The following CD300LG variants were observed in gnomAD, a reference collection of about 807,000 sequenced individuals.
CD300LG encodes CD300 molecule like family member g.
CD300LG carries 29 observed loss-of-function variants against 31.5 expected under a neutral mutation model. The observed-to-expected ratio is 0.92, with a 90% CI of 0.68 to 1.25. CD300LG has a LOEUF of 1.25. CD300LG is among the 50% of genes most tolerant of loss of function. The pLI is 0.00. For synonymous variants in CD300LG, 175 were observed against 177.2 expected (o/e 0.99, Z 0.10); for missense variants, 396 against 417.6 (o/e 0.95, Z 0.45).
intron 6 of CD300LG, among the ~76,000 whole-genome samples, chr17:43,859,980 C>G (rs2046618921): frequency 6.6e-6 from 1 of 152,228 alleles, no homozygotes; most frequent in African/African-American, 2.4e-5. Context: ...AAGTGGTCCT[C>G]TAGCCTCAGC....
At chr17:43,851,781 T>A (rs760455470) in intron 2 of CD300LG, among the ~76,000 whole-genome samples, 9 of 151,818 alleles carry the variant, frequency 5.9e-5, no homozygotes, top group East Asian at 1.9e-4. Context: ...GGTCTCGATC[T>A]CCTGACCTTG....
In CD300LG at chr17:43,848,655, G is replaced by C; in HGVS notation, c.141G>C (p.Arg47=). Residue 47 remains arginine, a synonymous_variant, in exon 2 of 7, where the codon CGG becomes CGC. Transcript: ENST00000317310. ...ACAGGGAAGAGCTGAGGGACCACCGGAAGTACTGGTGCAGGAAGGGTGGGA... is the reference window on the plus strand; with the variant it reads ...ACAGGGAAGAGCTGAGGGACCACCGCAAGTACTGGTGCAGGAAGGGTGGGA... ...CTYREELRDH[R]KYWCRKGGIL... The C allele has an allele frequency of 6.2e-7, 1 of 1,614,186 alleles. No individual in the cohort carries two copies. The highest frequency in any genetic ancestry group is 8.5e-7 in the Non-Finnish European group (1 of 1,180,030).
chr17:43,848,459 A>C lies in CD300LG; in HGVS notation c.44-99A>C, dbSNP rs2046248882. The C allele has an allele frequency of 1.6e-5, 16 of 983,318 alleles. No homozygotes were observed. In the South Asian group the frequency reaches 2.4e-4, roughly 14 times the overall value. The allele number at this position is 983,318 out of a possible 1,614,324, so 60.9% of individuals were successfully genotyped here. A position where few individuals can be genotyped will look rare whatever the true frequency, so the allele number is the denominator to read the frequency against. ...AGGCTGTCCCCAGAAGGGATGACTG[A>C]GAAAAGCCTTCCTTCTTCCTCCTAA... On this transcript the variant is annotated intron_variant, in intron 1 of 6. Coordinates refer to ENST00000317310, the MANE Select transcript of CD300LG (RefSeq NM_145273.4).
intron 2 of CD300LG, chr17:43,849,180 C>T (rs1349060736): frequency 5.6e-6 from 3 of 539,550 alleles, no homozygotes; most frequent in Non-Finnish European, 6.5e-6. Context: ...CCCAGGTGTG[C>T]TGGAGGGAGA....
intron 4 of CD300LG, 140 bp downstream of exon 4, chr17:43,854,184 C>T (rs2046445474): frequency 7.5e-6 from 5 of 670,700 alleles, no homozygotes; most frequent in Middle Eastern, 2.6e-4. Flanking sequence ...ACAGAGAGTC[C>T]CTCACAGGGG....
chr17:43,861,826 A>G lies in CD300LG; in HGVS notation c.914A>G (p.Gln305Arg). The part of the protein sequence containing the change: ...LTAEEKEAPS[Q>R]APEGDVISMP... ...GCGGAGGAAAAGGAAGCCCCTTCCCAGGCCCCTGAGGGGGACGTGATCTCG... is the reference window on the plus strand; with the variant it reads ...GCGGAGGAAAAGGAAGCCCCTTCCCGGGCCCCTGAGGGGGACGTGATCTCG... Residue 305 changes from glutamine to arginine, a missense_variant, in exon 7 of 7, where the codon CAG becomes CGG. Coordinates refer to ENST00000317310, the MANE Select transcript of CD300LG (RefSeq NM_145273.4). 1 of 1,610,954 alleles carries G rather than the reference A, an allele frequency of 6.2e-7. No individual in the cohort carries two copies. Among genetic ancestry groups the G allele is most frequent in the Non-Finnish European group, 8.5e-7 (1 of 1,178,800 alleles).
intron 5 of CD300LG, 162 bp downstream of exon 5, chr17:43,855,481 C>G (rs965093835): frequency 4.3e-6 from 2 of 466,752 alleles, no homozygotes; most frequent in Non-Finnish European, 7.6e-6. Flanking sequence ...GAAGGAGCCA[C>G]GAGGTAGTCA....
intron 2 of CD300LG, among the ~76,000 whole-genome samples, 187 bp from the exon 3 acceptor site, chr17:43,852,724 AG>A (rs1420246317): frequency 4.6e-5 from 7 of 152,200 alleles, no homozygotes; most frequent in Non-Finnish European, 8.8e-5. Context: ...GCGCGAGGCC[AG>A]GGGGCTGCAG....
intron 2 of CD300LG, among the ~76,000 whole-genome samples, chr17:43,850,452 T>TATTCATTCATTCATTC (rs147005101): frequency 3.3e-5 from 5 of 151,324 alleles, no homozygotes; most frequent in African/African-American, 1.2e-4. Flanking sequence ...TATTTATTTT[T>TATTCATTCATTCATTC]ATTCATTCAT....
At position 43,855,243 on chromosome 17, in the gene CD300LG, C is replaced by G. The variant is rs778992544; in HGVS notation, c.756C>G (p.Val252=). 2.3e-5 allele frequency: 37 copies of G among 1,610,308 alleles called. No homozygotes were observed. Among genetic ancestry groups the G allele is most frequent in the Non-Finnish European group, 2.9e-5 (34 of 1,178,920 alleles). Residue 252 remains valine (V), a synonymous_variant, in exon 5 of 7, where the codon GTC becomes GTG. Coordinates refer to ENST00000317310, the MANE Select transcript of CD300LG (RefSeq NM_145273.4). Reference sequence around the variant, plus strand: ...CGATGGTCCGCATACTGGCCCCAGTCCTGGTGCTGCTGAGCCTTCTGTCAG... The same window carrying G: ...CGATGGTCCGCATACTGGCCCCAGTGCTGGTGCTGCTGAGCCTTCTGTCAG... ...SIPMVRILAP[V]LVLLSLLSAA...
chr17:43,848,805 C>A lies in CD300LG; in HGVS notation c.291C>A (p.Leu97=). The A allele has an allele frequency of 6.2e-7, 1 of 1,614,206 alleles. No homozygotes were observed. Among genetic ancestry groups the A allele is most frequent in the Non-Finnish European group, 8.5e-7 (1 of 1,180,050 alleles). ...CGCTCATTGTGACCCTGTGGAACCT[C>A]ACCCTGCAAGACGCTGGGGAGTACT... ...ELSLIVTLWN[L]TLQDAGEYWC... The change falls in exon 2 of 7, where the codon CTC becomes CTA. Residue 97 remains leucine, a synonymous_variant. Coordinates refer to ENST00000317310, the MANE Select transcript of CD300LG (RefSeq NM_145273.4).
intron 5 of CD300LG, among the ~76,000 whole-genome samples, chr17:43,856,391 G>A (rs1413807124): frequency 6.6e-6 from 1 of 152,194 alleles, no homozygotes; most frequent in Non-Finnish European, 1.5e-5. Context: ...AGCTTATCTT[G>A]CTTATCCCCT....
intron 2 of CD300LG, among the ~76,000 whole-genome samples, chr17:43,851,147 A>AG (rs1238816040): frequency 6.6e-6 from 1 of 151,132 alleles, no homozygotes; most frequent in East Asian, 1.9e-4. Context: ...AAAAAAAAAA[A>AG]AAAAAAAAAG....
chr17:43,854,098 G>A (rs2046442183), intron 4 of CD300LG, 54 bp downstream of exon 4: 3 of 1,381,224 alleles, frequency 2.2e-6, no homozygotes, highest in Non-Finnish European at 3.0e-6. Context: ...ACCATAAGGT[G>A]CCTTTGAGAA....
rs571236247 is a variant in CD300LG, at chr17:43,852,108, C to G, written c.380-804C>G. Among the ~76,000 whole-genome samples the G allele has an allele frequency of 1.1e-3, 172 of 151,820 alleles. 1 individual carries two copies. The highest frequency in any genetic ancestry group is 3.9e-3 in the African/African-American group (163 of 41,382). On this transcript the variant is annotated intron_variant, in intron 2 of 6. Coordinates refer to ENST00000317310, the MANE Select transcript of CD300LG (RefSeq NM_145273.4). ...GAGGTGGGCAGGAGGCTGGTTTAGT[C>G]GGGAATAGAGGATGACTCTATGGCT... is the stretch of plus-strand genomic sequence containing the variant.
rs749876745 is a variant in CD300LG at position 43,847,229 on chromosome 17, G to A, written c.13G>A (p.Val5Ile). ...TCCAGCGCCCAGAATGCGGCTTCTG[G>A]TCCTGCTATGGGGTTGCCTGCTGCT... is the stretch of plus-strand genomic sequence containing the variant. Reference protein sequence around the residue: MRLLVLLWGCLLLPG... With the variant: MRLLILLWGCLLLPG... Residue 5 changes from valine to isoleucine, a missense_variant, in exon 1 of 7, where the codon GTC becomes ATC. Physicochemically the swap from Val to Ile is conservative, Grantham distance 29. Transcript: ENST00000317310. The A allele has an allele frequency of 1.2e-6, 2 of 1,613,960 alleles. No homozygotes were observed. Among genetic ancestry groups the A allele is most frequent in the Non-Finnish European group, 1.7e-6 (2 of 1,179,950 alleles).
chr17:43,856,995 G>A (rs1266221806), intron 5 of CD300LG, 109 bp from the exon 6 acceptor site: 3 of 1,065,656 alleles, frequency 2.8e-6, no homozygotes, highest in East Asian at 5.0e-5. Context: ...CCTCTGGGAA[G>A]CCCCTGCTCC....
At position 43,861,892 on chromosome 17, in the gene CD300LG, C is replaced by A; in HGVS notation, c.980C>A (p.Ser327Ter). ...ACATCTGAGGAGGAGCTGGGCTTCT[C>A]GAAGTTTGTCTCAGCGTAGGGCAGG... ...LHTSEEELGF[S>*]KFVSA Residue 327 changes from serine to a stop codon, truncating the protein, a stop_gained, in exon 7 of 7, where the codon TCG becomes TAG. Transcript: ENST00000317310. LOFTEE classifies it high-confidence loss of function. The A allele has an allele frequency of 6.2e-7, 1 of 1,610,774 alleles. No individual in the cohort carries two copies. The highest frequency in any genetic ancestry group is 8.5e-7 in the Non-Finnish European group (1 of 1,178,744).
intron 2 of CD300LG, among the ~76,000 whole-genome samples, chr17:43,850,085 T>A (rs1322028404): frequency 1.3e-5 from 2 of 152,244 alleles, no homozygotes; most frequent in Non-Finnish European, 2.9e-5. Flanking sequence ...ATTGCTATAT[T>A]ATCGTCCTAT....
Sources: allele counts gnomAD v4.1 joint callset (sites outside exome capture counted in the v4.1 genomes callset), GRCh38; gene constraint gnomAD v4.1.1; transcripts MANE v1.5; gene names NCBI Gene and HGNC (gene_info 2026-07-23, HGNC 2026-07-21).